TSHZ3: variants seen among roughly 807,000 people sequenced by gnomAD.
The protein encoded by TSHZ3 is teashirt zinc finger homeobox 3.
TSHZ3 carries 10 observed loss-of-function variants against 64.5 expected under a neutral mutation model. The observed-to-expected ratio is 0.16, with a 90% CI of 0.10 to 0.26. The LOEUF is 0.26. Among genes scored for constraint, TSHZ3 ranks in the 10% least tolerant of loss-of-function variants. TSHZ3 has a pLI of 1.00. For synonymous variants in TSHZ3, 608 were observed against 593.1 expected, an observed-to-expected ratio of 1.03 and a Z score of -0.36; for missense variants, 1,242 against 1,421.7, an observed-to-expected ratio of 0.87 and a Z score of 2.03.
chr19:31,221,946 A>T (rs1316688844), intron 4 of TSHZ3, among the ~76,000 whole-genome samples: 1 of 152,170 alleles, frequency 6.6e-6, no homozygotes, highest in Non-Finnish European at 1.5e-5. Flanking sequence ...GCCTCTCTTC[A>T]GCCCCAGGAC....
intron 1 of TSHZ3, among the ~76,000 whole-genome samples, chr19:31,261,773 C>G (rs1975985076): frequency 6.6e-6 from 1 of 152,244 alleles, no homozygotes; most frequent in Admixed American, 6.5e-5. Flanking sequence ...TGTTCTTGTT[C>G]TATCACCTCT....
At chr19:31,237,164 C>G (rs1975628745) in intron 3 of TSHZ3, among the ~76,000 whole-genome samples, 1 of 151,976 alleles carries the variant, frequency 6.6e-6, no homozygotes, top group Admixed American at 6.6e-5. Context: ...AACAAACAAA[C>G]AAAAAACAAT....
rs141489544 is a variant in TSHZ3, at chr19:31,281,669, G to A, written c.41-1917C>T. Among the ~76,000 whole-genome samples the A allele has an allele frequency of 3.3e-4, 51 of 152,312 alleles. No individual in the cohort carries two copies. The East Asian group carries it at 9.1e-3, about 27-fold the overall frequency. ...CAAGACCAAATGCTTAGGGAAATAC[G>A]GCGCTGGCCAATGGAGGCTCCTGTG... On this transcript the variant is annotated intron_variant, in intron 1 of 1. Coordinates refer to ENST00000240587, the MANE Select transcript of TSHZ3 (RefSeq NM_020856.4).
At chr19:31,214,970 T>C (rs1257729900) in intron 4 of TSHZ3, among the ~76,000 whole-genome samples, 1 of 146,926 alleles carries the variant, frequency 6.8e-6, no homozygotes, top group Non-Finnish European at 1.5e-5. Flanking sequence ...GACCATTCCC[T>C]CTTTGCCAAA....
chr19:31,198,143 TA>T (rs1377675403), intron 5 of TSHZ3, among the ~76,000 whole-genome samples: 1 of 152,152 alleles, frequency 6.6e-6, no homozygotes, highest in African/African-American at 2.4e-5. Flanking sequence ...AACAGTTCAA[TA>T]TTTGAAAATC....
chr19:31,335,001 A>C (rs1352523055), intron 1 of TSHZ3, among the ~76,000 whole-genome samples: 1 of 152,138 alleles, frequency 6.6e-6, no homozygotes, highest in East Asian at 1.9e-4. Flanking sequence ...GGGGAGCAAG[A>C]AACACAAGAT....
chr19:31,285,199 G>A (rs116465262), intron 1 of TSHZ3, among the ~76,000 whole-genome samples: 24 of 152,244 alleles, frequency 1.6e-4, no homozygotes, highest in African/African-American at 5.3e-4. Context: ...ATGCATTATC[G>A]GCCAGGTGCA....
At chr19:31,332,185 C>T (rs1302818489) in intron 1 of TSHZ3, among the ~76,000 whole-genome samples, 1 of 152,132 alleles carries the variant, frequency 6.6e-6, no homozygotes, top group Non-Finnish European at 1.5e-5. Context: ...GGCCTCCTGA[C>T]AATATAATCA....
chr19:31,321,878 C>T (rs965703226), intron 1 of TSHZ3, among the ~76,000 whole-genome samples: 7 of 151,828 alleles, frequency 4.6e-5, no homozygotes, highest in Admixed American at 2.6e-4. Context: ...ATGTGCAGAA[C>T]GTGCATGTTT....
chr19:31,334,236 C>A (rs1917178230), intron 1 of TSHZ3, among the ~76,000 whole-genome samples: 1 of 152,144 alleles, frequency 6.6e-6, no homozygotes, highest in Admixed American at 6.5e-5. Context: ...ACCACCGCAG[C>A]CTCATCTATT....
intron 4 of TSHZ3, among the ~76,000 whole-genome samples, chr19:31,209,070 G>A (rs917536855): frequency 3.9e-5 from 6 of 152,110 alleles, no homozygotes; most frequent in African/African-American, 1.4e-4. Context: ...CCAGACGCCA[G>A]GTCCAAGGCC....
intron 5 of TSHZ3, among the ~76,000 whole-genome samples, chr19:31,191,620 G>C (rs1974907905): frequency 6.6e-6 from 1 of 152,168 alleles, no homozygotes; most frequent in Non-Finnish European, 1.5e-5. Context: ...ACTTTGGCAG[G>C]CTGAGGTGGG....
chr19:31,268,849 G>A (rs992906429), intron 1 of TSHZ3, among the ~76,000 whole-genome samples: 9 of 152,096 alleles, frequency 5.9e-5, no homozygotes, highest in Non-Finnish European at 8.8e-5. Context: ...GCCTCCCCGG[G>A]CAAATCCATC....
At chr19:31,253,941 AGCTGTCAAAG>A (rs1388200731) in intron 1 of TSHZ3, among the ~76,000 whole-genome samples, 30 of 152,334 alleles carry the variant, frequency 2.0e-4, no homozygotes, top group Admixed American at 5.9e-4. Flanking sequence ...TTTCACATCC[AGCTGTCAAAG>A]GCTGTCAAAG....
intron 5 of TSHZ3, among the ~76,000 whole-genome samples, chr19:31,202,468 A>AT (rs1217475470): frequency 6.6e-6 from 1 of 152,072 alleles, no homozygotes; most frequent in African/African-American, 2.4e-5. Flanking sequence ...TCATATAACC[A>AT]TTTTCTATTT....
At chr19:31,349,526 G>A (rs2021640144), upstream of TSHZ3, 1 of 334,404 alleles carries the variant, frequency 3.0e-6, no homozygotes, top group Non-Finnish European at 5.4e-6. Flanking sequence ...GAGGAGGACC[G>A]CGCTGCCGGC....
chr19:31,269,479 A>G (rs527793627), intron 1 of TSHZ3, among the ~76,000 whole-genome samples: 1 of 151,970 alleles, frequency 6.6e-6, no homozygotes, highest in South Asian at 2.1e-4. Flanking sequence ...TCTTGGCTCA[A>G]GTTTACCCAG....
At chr19:31,248,290 G>T (rs969497012) in intron 1 of TSHZ3, among the ~76,000 whole-genome samples, 5 of 152,178 alleles carry the variant, frequency 3.3e-5, no homozygotes, top group Middle Eastern at 3.2e-3. Flanking sequence ...ATAAAAGCTG[G>T]TAAAATGCTA....
At chr19:31,182,130 T>C (rs910133889) in intron 5 of TSHZ3, among the ~76,000 whole-genome samples, 2 of 152,178 alleles carry the variant, frequency 1.3e-5, no homozygotes, top group African/African-American at 4.8e-5. Flanking sequence ...GAATAGGAAC[T>C]TGGAGAGTGA....
Sources: allele counts gnomAD v4.1 joint callset (sites outside exome capture counted in the v4.1 genomes callset), GRCh38; gene constraint gnomAD v4.1.1; transcripts MANE v1.5; gene names NCBI Gene and HGNC (gene_info 2026-07-23, HGNC 2026-07-21).